Variants in TDRD7 observed in about 807,000 individuals in gnomAD.
The protein encoded by TDRD7 is tudor domain containing 7, also known as tudor domain-containing protein 7.
Under a neutral mutation model 109.8 loss-of-function variants are expected in TDRD7, and 47 were observed. That is an observed-to-expected ratio of 0.43 (90% CI 0.34 to 0.55). TDRD7 has a LOEUF of 0.55. TDRD7 is among the 20% of genes least tolerant of loss of function. The pLI is 0.03. For synonymous variants in TDRD7, 424 were observed against 457.3 expected, an observed-to-expected ratio of 0.93 and a Z score of 0.93; for missense variants, 1,164 against 1,319.2, an observed-to-expected ratio of 0.88 and a Z score of 1.82.
intron 3 of TDRD7, 119 bp from the exon 4 acceptor site, chr9:97,431,906 T>C: frequency 1.1e-6 from 1 of 943,908 alleles, no homozygotes; most frequent in South Asian, 1.3e-5. Context: ...CCTCCTCGTG[T>C]TCTTACAAAC....
rs1485089097 is a variant in TDRD7 at position 97,494,707 on chromosome 9, TATA to T, written c.3077-955_3077-953del. Among the ~76,000 whole-genome samples, 3 of 94,674 alleles carry T rather than the reference TATA, an allele frequency of 3.2e-5. No individual in the cohort carries two copies. The East Asian group carries it at 8.3e-4, about 26-fold the overall frequency. 62.1% of individuals were successfully genotyped at this position (94,674 alleles called of 152,430 possible). ...GTATATATATATGTATATATATATATATATATTTTTTTTTTTTTCGAGAGGGTC... is the reference window on the plus strand; with the variant it reads ...GTATATATATATGTATATATATATATTATTTTTTTTTTTTTCGAGAGGGTC... On this transcript the variant is annotated intron_variant, in intron 16 of 16. Transcript: ENST00000355295.
intron 16 of TDRD7, among the ~76,000 whole-genome samples, chr9:97,493,196 G>A (rs1587899424): frequency 6.6e-6 from 1 of 152,054 alleles, no homozygotes; most frequent in South Asian, 2.1e-4. Context: ...GTGTATTGGG[G>A]GAAATTTCAG....
intron 1 of TDRD7, among the ~76,000 whole-genome samples, chr9:97,424,832 T>C (rs1325335832): frequency 6.6e-6 from 1 of 152,148 alleles, no homozygotes; most frequent in Non-Finnish European, 1.5e-5. Flanking sequence ...CTGGATGTTT[T>C]CTATTTTCTC....
chr9:97,485,467 T>A (rs1829195851), intron 15 of TDRD7, among the ~76,000 whole-genome samples: 1 of 152,206 alleles, frequency 6.6e-6, no homozygotes, highest in Non-Finnish European at 1.5e-5. Context: ...TACCACTTAT[T>A]TATGGACTAA....
chr9:97,431,407 A>G (rs1012787156), intron 3 of TDRD7, among the ~76,000 whole-genome samples: 1 of 152,160 alleles, frequency 6.6e-6, no homozygotes, highest in Non-Finnish European at 1.5e-5. Flanking sequence ...CTATGATTTT[A>G]TGTCTTATTT....
chr9:97,419,135 T>A (rs1433060529), intron 1 of TDRD7, among the ~76,000 whole-genome samples: 1 of 152,174 alleles, frequency 6.6e-6, no homozygotes, highest in African/African-American at 2.4e-5. Context: ...ATGTAATGCG[T>A]ATGTAGCTGA....
intron 15 of TDRD7, among the ~76,000 whole-genome samples, chr9:97,484,401 A>G (rs943469962): frequency 3.9e-5 from 6 of 152,108 alleles, no homozygotes; most frequent in African/African-American, 1.4e-4. Flanking sequence ...TTCCTTTGCC[A>G]GCTTGCTTAG....
chr9:97,488,465 A>C (rs143278300), intron 16 of TDRD7, among the ~76,000 whole-genome samples: 1 of 152,006 alleles, frequency 6.6e-6, no homozygotes, highest in Non-Finnish European at 1.5e-5. Flanking sequence ...GGCAAATCCT[A>C]TGGTAATTGG....
chr9:97,443,515 C>T (rs1828348600), intron 6 of TDRD7, among the ~76,000 whole-genome samples: 1 of 152,042 alleles, frequency 6.6e-6, no homozygotes, highest in Non-Finnish European at 1.5e-5. Flanking sequence ...CAGTTTTTTC[C>T]AGTTTTTTTC....
chr9:97,424,967 T>G (rs1227621029), intron 1 of TDRD7, among the ~76,000 whole-genome samples: 2 of 152,140 alleles, frequency 1.3e-5, no homozygotes, highest in East Asian at 3.9e-4. Context: ...ATTTTAGTGG[T>G]TGCCATATGG....
At position 97,480,958 on chromosome 9, in the gene TDRD7, C is replaced by G; in HGVS notation, c.2412+20C>G. On this transcript the variant is annotated intron_variant, in intron 14 of 16. Coordinates refer to ENST00000355295, the MANE Select transcript of TDRD7 (RefSeq NM_014290.3). Reference sequence around the variant, plus strand: ...ATTAAGGTTAGCTATCTTGTTGGGCCTGATACATTTAGAAAGGGAGCTGGC... The same window carrying G: ...ATTAAGGTTAGCTATCTTGTTGGGCGTGATACATTTAGAAAGGGAGCTGGC... The G allele has an allele frequency of 6.2e-7, 1 of 1,601,338 alleles. No homozygotes were observed. The highest frequency in any genetic ancestry group is 8.6e-7 in the Non-Finnish European group (1 of 1,168,476).
chr9:97,455,452 AAC>A, intron 6 of TDRD7, among the ~76,000 whole-genome samples: 1 of 152,366 alleles, frequency 6.6e-6, no homozygotes, highest in East Asian at 1.9e-4. Flanking sequence ...TGAATCCAGC[AAC>A]ACATCAAAAA....
intron 1 of TDRD7, among the ~76,000 whole-genome samples, chr9:97,426,575 A>G (rs1339482338): frequency 2.6e-5 from 4 of 152,186 alleles, no homozygotes; most frequent in Non-Finnish European, 5.9e-5. Flanking sequence ...TAAACTTTTT[A>G]AATTAAAAAC....
chr9:97,449,883 A>G (rs959714072), intron 6 of TDRD7, among the ~76,000 whole-genome samples: 4 of 152,180 alleles, frequency 2.6e-5, no homozygotes, highest in African/African-American at 9.7e-5. Context: ...GAAACTGGGA[A>G]GGAAGACCAA....
intron 16 of TDRD7, among the ~76,000 whole-genome samples, chr9:97,493,947 C>A (rs1323195889): frequency 6.6e-6 from 1 of 152,116 alleles, no homozygotes; most frequent in Non-Finnish European, 1.5e-5. Context: ...TTTCAAGGTG[C>A]CCAGATTTCA....
In TDRD7 at chr9:97,420,836, A is replaced by G. The variant is rs553991745; in HGVS notation, c.-6-7624A>G. 2.6e-5 allele frequency among the ~76,000 whole-genome samples: 4 copies of G among 152,172 alleles called. No individual in the cohort carries two copies. The South Asian group carries it at 8.3e-4, about 31-fold the overall frequency. On this transcript the variant is annotated intron_variant, in intron 1 of 16. Coordinates refer to ENST00000355295, the MANE Select transcript of TDRD7 (RefSeq NM_014290.3). ...TATATAAGTGTATACTTTACTTTGT[A>G]AGAAATTGTCAAACTGGCCGGGGCA...
Position 97,428,699 on chromosome 9 carries a change from A to G in TDRD7, c.207+27A>G, listed in dbSNP as rs750232577. ...TAAGAAGGTAATTGTGCGTGTCAGAAGAATCAAACCAATTCATAATTGCCT... is the reference window on the plus strand; with the variant it reads ...TAAGAAGGTAATTGTGCGTGTCAGAGGAATCAAACCAATTCATAATTGCCT... On this transcript the variant is annotated intron_variant, in intron 2 of 16. Transcript: ENST00000355295. 1.5e-5 allele frequency: 24 copies of G among 1,604,770 alleles called. No homozygotes were observed. In the South Asian group the frequency reaches 2.5e-4, roughly 17 times the overall value.
chr9:97,473,468 C>T (rs746665559), intron 10 of TDRD7, 24 bp from the exon 11 acceptor site: 4 of 1,613,150 alleles, frequency 2.5e-6, no homozygotes, highest in Middle Eastern at 1.7e-4. Flanking sequence ...CAAGCATTCA[C>T]GAGGTATCCT....
intron 1 of TDRD7, among the ~76,000 whole-genome samples, chr9:97,417,536 C>T (rs760218949): frequency 3.3e-5 from 5 of 152,212 alleles, no homozygotes; most frequent in East Asian, 3.9e-4. Context: ...TGTAGACATC[C>T]GCCTTCCATC....
Sources: gnomAD v4.1 joint callset for allele counts (sites outside exome capture counted in the v4.1 genomes callset) on GRCh38, gnomAD v4.1.1 for gene constraint, MANE v1.5 for transcripts, NCBI Gene and HGNC (gene_info 2026-07-23, HGNC 2026-07-21) for gene names.